The following OXSR1 variants were observed in gnomAD, a reference collection of about 807,000 sequenced individuals.
OXSR1 encodes oxidative stress responsive kinase 1.
OXSR1 carries 24 observed loss-of-function variants against 79.8 expected under a neutral mutation model. The ratio of observed to expected loss-of-function variants is 0.30; its 90% CI spans 0.22 to 0.42. The LOEUF (loss-of-function observed/expected upper bound fraction) is 0.42, where lower values mean the gene tolerates loss of function less well. OXSR1 is among the 10% of genes least tolerant of loss of function. The pLI, the probability that OXSR1 is intolerant of heterozygous loss-of-function variation, is 1.00. For missense variants in OXSR1, 430 were observed against 618.4 expected (o/e 0.70, Z 3.23); for synonymous variants, 226 against 209.2 (o/e 1.08, Z -0.69).
rs12629406 is a variant in OXSR1, at chr3:38,241,417, A to G, written c.1075-1326A>G. On this transcript the variant is annotated intron_variant, in intron 11 of 17. Coordinates refer to ENST00000311806, the MANE Select transcript of OXSR1 (RefSeq NM_005109.3). Reference sequence around the variant, plus strand: ...TACTGGAGGAAAAACAAAAGGCTACAAAGGACATTAGTGTTGACATTTACG... The same window carrying G: ...TACTGGAGGAAAAACAAAAGGCTACGAAGGACATTAGTGTTGACATTTACG... Among the ~76,000 whole-genome samples the G allele has an allele frequency of 0.015, 2,341 of 152,306 alleles. 201 individuals are homozygous for G. The East Asian group carries it at 0.24, about 16-fold the overall frequency.
At chr3:38,227,023 G>A (rs1389506894) in intron 8 of OXSR1, among the ~76,000 whole-genome samples, 1 of 152,122 alleles carries the variant, frequency 6.6e-6, no homozygotes. Flanking sequence ...TACTAGCTTT[G>A]CAGCTCTTCT....
In OXSR1 at chr3:38,190,787, A is replaced by T; in HGVS notation, c.240A>T (p.Thr80=). The change falls in exon 3 of 18, where the codon ACA becomes ACT. Residue 80 remains threonine, a synonymous_variant. Transcript: ENST00000311806. ...CHHPNIVSYY[T]SFVVKDELWL... is the part of the protein sequence containing the mutation. ...ATCCTAATATTGTATCTTACTACAC[A>T]TCTTTTGTGGTAAAAGATGAGCTGT... is the stretch of plus-strand genomic sequence containing the variant. 1 of 1,610,746 alleles carries T rather than the reference A, an allele frequency of 6.2e-7. No individual in the cohort carries two copies. The highest frequency in any genetic ancestry group is 1.3e-5 in the African/African-American group (1 of 74,932).
chr3:38,215,034 A>G (rs1270018051), intron 4 of OXSR1, among the ~76,000 whole-genome samples: 1 of 152,186 alleles, frequency 6.6e-6, no homozygotes. Context: ...TTAATTACAA[A>G]ATGACTGTAT....
chr3:38,164,197 G>A (rs977770106), upstream of OXSR1, among the ~76,000 whole-genome samples: 1 of 152,082 alleles, frequency 6.6e-6, no homozygotes, highest in Admixed American at 6.5e-5. Context: ...CGGTGTCTCC[G>A]TCTGTTGCCC....
chr3:38,166,070 C>T, intron 1 of OXSR1, 124 bp downstream of exon 1: 2 of 827,430 alleles, frequency 2.4e-6, no homozygotes, highest in Admixed American at 4.2e-5. Flanking sequence ...GCTTGTGGGG[C>T]TGGGGGCTTG....
intron 15 of OXSR1, among the ~76,000 whole-genome samples, chr3:38,250,582 C>A (rs535898724): frequency 2.0e-5 from 3 of 152,244 alleles, no homozygotes; most frequent in Admixed American, 1.3e-4. Flanking sequence ...TGTTTTGTTT[C>A]TTGCCTTTAT....
In OXSR1 at chr3:38,198,849, T is replaced by C. The variant is rs752529090; in HGVS notation, c.420T>C (p.Asn140=). The C allele has an allele frequency of 6.2e-7, 1 of 1,613,584 alleles. No homozygotes were observed. The highest frequency in any genetic ancestry group is 1.3e-5 in the African/African-American group (1 of 75,024). Residue 140 remains asparagine (N), a synonymous_variant, in exon 4 of 18, where the codon AAT becomes AAC. Transcript: ENST00000311806. ...VLEGLEYLHK[N]GQIHRDVKAG... is the part of the protein sequence containing the mutation. ...AAGGGCTGGAATATCTGCATAAAAA[T>C]GGACAGATCCACAGGTATGTAAAAG...
At chr3:38,234,792 A>G (rs1702885461) in intron 10 of OXSR1, among the ~76,000 whole-genome samples, 2 of 152,274 alleles carry the variant, frequency 1.3e-5, no homozygotes, top group South Asian at 4.1e-4. Context: ...TACGCTGCTC[A>G]TAGCAGCATT....
At chr3:38,244,033 T>G (rs905005446) in intron 12 of OXSR1, among the ~76,000 whole-genome samples, 1 of 152,222 alleles carries the variant, frequency 6.6e-6, no homozygotes, top group South Asian at 2.1e-4. Context: ...AGAGATAGAC[T>G]TGAAGTGTGT....
intron 3 of OXSR1, among the ~76,000 whole-genome samples, 169 bp from the exon 4 acceptor site, chr3:38,198,553 A>T (rs1309652775): frequency 6.6e-6 from 1 of 152,224 alleles, no homozygotes; most frequent in African/African-American, 2.4e-5. Context: ...ATTGGAATTG[A>T]AAATAAGTTA....
chr3:38,200,223 G>C (rs1702139497), intron 4 of OXSR1, among the ~76,000 whole-genome samples: 1 of 152,142 alleles, frequency 6.6e-6, no homozygotes, highest in African/African-American at 2.4e-5. Context: ...CTGCTGGGCT[G>C]CCCCTTTTCT....
At chr3:38,244,667 G>GTGTGTGTGTGTGCA (rs71635865) in intron 12 of OXSR1, among the ~76,000 whole-genome samples, 10 of 57,394 alleles carry the variant, frequency 1.7e-4, no homozygotes, top group East Asian at 1.3e-3. Context: ...GTGTGTGTGT[G>GTGTGTGTGTGTGCA]CGTGCGCATG....
At chr3:38,169,577 T>G (rs189509359) in intron 1 of OXSR1, among the ~76,000 whole-genome samples, 1 of 152,214 alleles carries the variant, frequency 6.6e-6, no homozygotes, top group Non-Finnish European at 1.5e-5. Context: ...AGTGCTGGGA[T>G]TACAGGGGTG....
chr3:38,235,638 CTG>C (rs1702903539), intron 10 of OXSR1, among the ~76,000 whole-genome samples: 1 of 152,152 alleles, frequency 6.6e-6, no homozygotes, highest in Non-Finnish European at 1.5e-5. Context: ...AAAGAAGACT[CTG>C]TAGTCTTCCA....
At chr3:38,252,479 T>A (rs1703278336) in intron 17 of OXSR1, 87 bp downstream of exon 17, 2 of 900,338 alleles carry the variant, frequency 2.2e-6, no homozygotes, top group South Asian at 2.6e-5. Flanking sequence ...CCCTGAGTGA[T>A]GAGAATATTA....
chr3:38,218,232 A>G (rs915291071), intron 5 of OXSR1, among the ~76,000 whole-genome samples: 15 of 152,038 alleles, frequency 9.9e-5, no homozygotes, highest in Non-Finnish European at 2.1e-4. Flanking sequence ...ATTCCCACCA[A>G]GAGTGCACAA....
chr3:38,252,410 C>T lies in OXSR1; in HGVS notation c.1509+18C>T, dbSNP rs1703276531. The T allele has an allele frequency of 1.9e-6, 3 of 1,562,500 alleles. No individual in the cohort carries two copies. In the African/African-American group the frequency reaches 4.1e-5, roughly 21 times the overall value. ...TCAAACTGGTACTCATCCCTTCTTC[C>T]TTGTGAAAACATCTTGCCTTTTATA... On this transcript the variant is annotated intron_variant, in intron 17 of 17. Transcript: ENST00000311806.
rs1701441749 is a variant in OXSR1, at chr3:38,165,933, G to T, written c.57G>T (p.Leu19=). 1 of 1,611,542 alleles carries T rather than the reference G, an allele frequency of 6.2e-7. No individual in the cohort carries two copies. Among genetic ancestry groups the T allele is most frequent in the Non-Finnish European group, 8.5e-7 (1 of 1,179,574 alleles). The stretch of plus-strand genomic sequence containing the variant: ...CCATCAACAGGGACGATTACGAGCT[G>T]CAGGAGGTGATCGGTGAGAGCAGGC... ...PWSINRDDYE[L]QEVIGSGATA... The change falls in exon 1 of 18, where the codon CTG becomes CTT. Residue 19 remains leucine, a synonymous_variant. Transcript: ENST00000311806.
At position 38,216,091 on chromosome 3, in the gene OXSR1, T is replaced by TA. The variant is rs397958017; in HGVS notation, c.435-2dup. 2 of 1,535,374 alleles carry TA rather than the reference T, an allele frequency of 1.3e-6. No individual in the cohort carries two copies. The highest frequency in any genetic ancestry group is 1.4e-5 in the African/African-American group (1 of 71,958). ...TGATACATAACTTTTTTTTTTTTTTTAAAGAGATGTGAAAGCTGGAAACAT... is the reference window on the plus strand; with the variant it reads ...TGATACATAACTTTTTTTTTTTTTTTAAAAGAGATGTGAAAGCTGGAAACAT... On this transcript the variant is annotated splice_region_variant and splice_polypyrimidine_tract_variant and intron_variant, in intron 4 of 17. Transcript: ENST00000311806.
Sources: gnomAD v4.1 joint callset for allele counts (sites outside exome capture counted in the v4.1 genomes callset) on GRCh38, gnomAD v4.1.1 for gene constraint, MANE v1.5 for transcripts, NCBI Gene and HGNC (gene_info 2026-07-23, HGNC 2026-07-21) for gene names.